ADAMTS2: variants seen among roughly 807,000 people sequenced by gnomAD.
ADAMTS2 encodes A disintegrin and metalloproteinase with thrombospondin motifs 2.
Under a neutral mutation model 123.0 loss-of-function variants are expected in ADAMTS2, and 50 were observed. The observed-to-expected ratio is 0.41, with a 90% CI of 0.32 to 0.51. The LOEUF (loss-of-function observed/expected upper bound fraction) is 0.51. ADAMTS2 is among the 20% of genes least tolerant of loss of function. The pLI, the probability that ADAMTS2 is intolerant of heterozygous loss-of-function variation, is 0.35. For missense variants in ADAMTS2, 1,494 were observed against 1,705.2 expected, an observed-to-expected ratio of 0.88 and a Z score of 2.18; for synonymous variants, 678 against 695.4, an observed-to-expected ratio of 0.98 and a Z score of 0.39.
At chr5:179,148,978 C>T (rs1438458068) in intron 10 of ADAMTS2, among the ~76,000 whole-genome samples, 1 of 152,138 alleles carries the variant, frequency 6.6e-6, no homozygotes, top group Non-Finnish European at 1.5e-5. Flanking sequence ...GCACCATTAC[C>T]TCATCTCTTG....
rs1762898717 is a variant in ADAMTS2 at position 179,128,437 on chromosome 5, G to T, written c.2458-319C>A. On this transcript the variant is annotated intron_variant, in intron 16 of 21. Coordinates refer to ENST00000251582, the MANE Select transcript of ADAMTS2 (RefSeq NM_014244.5). The surrounding 1 kb of genome is among the most constrained non-coding windows in gnomAD (Gnocchi z 4.9). ...GATGGAGTTTCGCTCTTGTAGCCCA[G>T]GCTGGAGTGTAGTGGCACGATCTCG... Among the ~76,000 whole-genome samples the T allele has an allele frequency of 6.6e-6, 1 of 152,146 alleles. No homozygotes were observed. The highest frequency in any genetic ancestry group is 2.4e-5 in the African/African-American group (1 of 41,436).
intron 3 of ADAMTS2, among the ~76,000 whole-genome samples, chr5:179,258,237 T>C (rs1350498245): frequency 6.6e-6 from 1 of 152,112 alleles, no homozygotes; most frequent in African/African-American, 2.4e-5. Context: ...CAGGCCATCA[T>C]GCTTCTTATT....
intron 3 of ADAMTS2, among the ~76,000 whole-genome samples, chr5:179,253,608 T>C (rs1765977416): frequency 2.0e-5 from 3 of 151,042 alleles, no homozygotes; most frequent in Non-Finnish European, 4.4e-5. Context: ...ATCGAGCCAC[T>C]GCACTCCAGC....
chr5:179,191,751 C>T (rs1764312234), intron 4 of ADAMTS2, among the ~76,000 whole-genome samples: 2 of 152,156 alleles, frequency 1.3e-5, no homozygotes, highest in South Asian at 4.1e-4. Context: ...GGCTCCACTT[C>T]CCACTGAGAT....
chr5:179,181,027 C>T lies in ADAMTS2; in HGVS notation c.975+45G>A, dbSNP rs767673240. 64 of 1,493,194 alleles carry T rather than the reference C, an allele frequency of 4.3e-5. No homozygotes were observed. The highest frequency in any genetic ancestry group is 5.6e-5 in the Non-Finnish European group (60 of 1,070,980). The allele number at this position is 1,493,194 out of a possible 1,614,324, so 92.5% of individuals were successfully genotyped here. ...CCATGCCTCACTCCCAGGCCCCTCA[C>T]TCCGAGGGGGTGGAGGCAGGCCCGG... On this transcript the variant is annotated intron_variant, in intron 5 of 21. Transcript: ENST00000251582. This position sits in a 1 kb window ranked among gnomAD's most constrained non-coding sequence, Gnocchi z 4.1.
rs1285723296 is a variant in ADAMTS2, at chr5:179,114,306, TCGCC to T, written c.3193_3196del (p.Gly1065ThrfsTer41). On this transcript the variant is annotated frameshift_variant, in exon 22 of 22. Coordinates refer to ENST00000251582, the MANE Select transcript of ADAMTS2 (RefSeq NM_014244.5). LOFTEE classifies it high-confidence loss of function. ...TTCCATCCTACAGAATATTGACTTG[TCGCC>T]TTGGCAGTGGCCCTCTGAAAAAGAA... 1.9e-6 allele frequency: 3 copies of T among 1,613,932 alleles called. No individual in the cohort carries two copies. The highest frequency in any genetic ancestry group is 2.5e-6 in the Non-Finnish European group (3 of 1,180,006).
In ADAMTS2 at chr5:179,260,226, T is replaced by A. The variant is rs1766180108; in HGVS notation, c.688+12685A>T. Among the ~76,000 whole-genome samples, 2 of 152,254 alleles carry A rather than the reference T, an allele frequency of 1.3e-5. No individual in the cohort carries two copies. On this transcript the variant is annotated intron_variant, in intron 3 of 21. Coordinates refer to ENST00000251582, the MANE Select transcript of ADAMTS2 (RefSeq NM_014244.5). This position sits in a 1 kb window ranked among gnomAD's most constrained non-coding sequence, Gnocchi z 4.2. ...GAGGCGTCAGTGCCAAGCCCTCCAATGCCTGCAGGGAGCAACTGTTGCTCC... is the reference window on the plus strand; with the variant it reads ...GAGGCGTCAGTGCCAAGCCCTCCAAAGCCTGCAGGGAGCAACTGTTGCTCC...
Position 179,155,406 on chromosome 5 carries a change from T to C in ADAMTS2, c.1133-487A>G, listed in dbSNP as rs1170687021. Among the ~76,000 whole-genome samples, 26 of 152,320 alleles carry C rather than the reference T, an allele frequency of 1.7e-4. No individual in the cohort carries two copies. The East Asian group carries it at 4.1e-3, about 24-fold the overall frequency. On this transcript the variant is annotated intron_variant, in intron 6 of 21. Coordinates refer to ENST00000251582, the MANE Select transcript of ADAMTS2 (RefSeq NM_014244.5). This position sits in a 1 kb window ranked among gnomAD's most constrained non-coding sequence, Gnocchi z 5.1. Reference sequence around the variant, plus strand: ...TCCTCTGGGGGGCGTTTCTTGGGTCTCCCCGTGTTTCTCTGGGGTCCTTGA... The same window carrying C: ...TCCTCTGGGGGGCGTTTCTTGGGTCCCCCCGTGTTTCTCTGGGGTCCTTGA...
intron 2 of ADAMTS2, among the ~76,000 whole-genome samples, chr5:179,311,756 C>T (rs1756838378): frequency 6.6e-6 from 1 of 152,100 alleles, no homozygotes; most frequent in African/African-American, 2.4e-5. Flanking sequence ...ATCCCCTGGC[C>T]CCTACCCTGC....
rs185177373 is a variant in ADAMTS2, at chr5:179,293,942, T to G, written c.535-20878A>C. On this transcript the variant is annotated intron_variant, in intron 2 of 21. Coordinates refer to ENST00000251582, the MANE Select transcript of ADAMTS2 (RefSeq NM_014244.5). ...TGGCCAAGGTTTTTTTGTTTTTTTG[T>G]TTTTTTGTTTTAAGGTATTTGTGCA... 9.6e-4 allele frequency among the ~76,000 whole-genome samples: 146 copies of G among 152,166 alleles called. 2 individuals are homozygous for G. The highest frequency in any genetic ancestry group is 2.7e-3 in the Admixed American group (42 of 15,286).
chr5:179,135,223 G>A (rs982505517), intron 13 of ADAMTS2, among the ~76,000 whole-genome samples: 5 of 150,762 alleles, frequency 3.3e-5, no homozygotes, highest in African/African-American at 1.2e-4. Context: ...CTCCCCTAGA[G>A]GTGCCTTCCT....
At position 179,188,115 on chromosome 5, in the gene ADAMTS2, G is replaced by T. The variant is rs1764217648; in HGVS notation, c.892-6960C>A. On this transcript the variant is annotated intron_variant, in intron 4 of 21. Transcript: ENST00000251582. This position sits in a 1 kb window ranked among gnomAD's most constrained non-coding sequence, Gnocchi z 5.1. Reference sequence around the variant, plus strand: ...CTGCCAGCCACAGAGGAGACAGGCAGGGGCCCTGGAACAGCAGCCACCCCA... The same window carrying T: ...CTGCCAGCCACAGAGGAGACAGGCATGGGCCCTGGAACAGCAGCCACCCCA... Among the ~76,000 whole-genome samples the T allele has an allele frequency of 6.6e-6, 1 of 152,194 alleles. No individual in the cohort carries two copies. The highest frequency in any genetic ancestry group is 2.4e-5 in the African/African-American group (1 of 41,458).
chr5:179,184,098 C>T (rs1031964304), intron 4 of ADAMTS2, among the ~76,000 whole-genome samples: 10 of 152,108 alleles, frequency 6.6e-5, no homozygotes, highest in Non-Finnish European at 1.0e-4. Context: ...CCAGCCCAAG[C>T]GGAATGAGAC....
At chr5:179,168,058 G>A (rs892425053) in intron 5 of ADAMTS2, among the ~76,000 whole-genome samples, 1 of 152,200 alleles carries the variant, frequency 6.6e-6, no homozygotes, top group African/African-American at 2.4e-5. Context: ...AGGACAGCAG[G>A]GAGGTTGGGT....
intron 4 of ADAMTS2, among the ~76,000 whole-genome samples, chr5:179,200,890 A>G (rs1764548120): frequency 6.6e-6 from 1 of 152,246 alleles, no homozygotes; most frequent in African/African-American, 2.4e-5. Context: ...AAGTTTATCT[A>G]CTTAAGTACA....
At chr5:179,114,890 C>T (rs1005937636) in intron 21 of ADAMTS2, among the ~76,000 whole-genome samples, 13 of 152,200 alleles carry the variant, frequency 8.5e-5, no homozygotes, top group Non-Finnish European at 1.8e-4. Flanking sequence ...CCAGATGCCC[C>T]GGACGATCTT....
Position 179,252,457 on chromosome 5 carries a change from G to A in ADAMTS2, c.688+20454C>T, listed in dbSNP as rs528534909. Among the ~76,000 whole-genome samples the A allele has an allele frequency of 6.6e-5, 10 of 151,734 alleles. No homozygotes were observed. The South Asian group carries it at 1.5e-3, about 22-fold the overall frequency. On this transcript the variant is annotated intron_variant, in intron 3 of 21. Transcript: ENST00000251582. ...TTTTCTAATGTAAATTTCCATCCAC[G>A]TTTTGATATTTAGTGCTTTTATTAT... is the stretch of plus-strand genomic sequence containing the variant.
rs1763803481 is a variant in ADAMTS2, at chr5:179,170,943, T to C, written c.975+10129A>G. Among the ~76,000 whole-genome samples the C allele has an allele frequency of 6.6e-6, 1 of 152,210 alleles. No homozygotes were observed. The highest frequency in any genetic ancestry group is 2.4e-5 in the African/African-American group (1 of 41,454). ...CTGAAAACAGGGCCTCCCCCAGTGC[T>C]ATGCAAAGTGAAGTCTGTGCCTGGT... On this transcript the variant is annotated intron_variant, in intron 5 of 21. Coordinates refer to ENST00000251582, the MANE Select transcript of ADAMTS2 (RefSeq NM_014244.5). The surrounding 1 kb of genome is among the most constrained non-coding windows in gnomAD (Gnocchi z 4.3).
At chr5:179,218,458 C>T (rs1765052342) in intron 3 of ADAMTS2, among the ~76,000 whole-genome samples, 1 of 152,240 alleles carries the variant, frequency 6.6e-6, no homozygotes, top group Non-Finnish European at 1.5e-5. Flanking sequence ...AAGCAGAAGG[C>T]AGGCTCAGCC....
Sources: allele counts gnomAD v4.1 joint callset (sites outside exome capture counted in the v4.1 genomes callset), GRCh38; gene constraint gnomAD v4.1.1; non-coding constraint Gnocchi (gnomAD v3.1); transcripts MANE v1.5; gene names NCBI Gene and HGNC (gene_info 2026-07-23, HGNC 2026-07-21).